ANAPC2: variants seen among roughly 807,000 people sequenced by gnomAD.
The protein encoded by ANAPC2 is anaphase-promoting complex subunit 2.
In ANAPC2, 29 loss-of-function variants were observed where a neutral mutation model predicts 84.3. The observed-to-expected ratio is 0.34, with a 90% CI of 0.26 to 0.47. The LOEUF (loss-of-function observed/expected upper bound fraction) is 0.47, where lower values mean the gene tolerates loss of function less well. ANAPC2 is among the 20% of genes least tolerant of loss of function. ANAPC2 has a pLI of 1.00. For synonymous variants in ANAPC2, 571 were observed against 479.4 expected (o/e 1.19, Z -2.50); for missense variants, 857 against 1,131.7 (o/e 0.76, Z 3.48).
chr9:137,186,025 G>C (rs544114198), intron 3 of ANAPC2, among the ~76,000 whole-genome samples, 199 bp downstream of exon 3: 4 of 152,166 alleles, frequency 2.6e-5, no homozygotes, highest in Non-Finnish European at 2.9e-5. Flanking sequence ...TCCGAAGAGC[G>C]CACCTCAGAT....
rs113402627 is a variant in ANAPC2, at chr9:137,187,240, G to A, written c.740+241C>T. On this transcript the variant is annotated intron_variant, in intron 2 of 12. Coordinates refer to ENST00000323927, the MANE Select transcript of ANAPC2 (RefSeq NM_013366.4). The stretch of plus-strand genomic sequence containing the variant: ...AGTTGCTAAGAAATTTGCTGCTGCA[G>A]ACACAAGCCACATAGGGCCTTACCA... 1,207 of 540,194 alleles carry A rather than the reference G, an allele frequency of 2.2e-3. 10 individuals carry two copies. Among genetic ancestry groups the A allele is most frequent in the African/African-American group, 0.02 (1,074 of 53,478 alleles). The allele number at this position is 540,194 out of a possible 1,614,324, so 33.5% of individuals were successfully genotyped here.
intron 10 of ANAPC2, among the ~76,000 whole-genome samples, chr9:137,177,723 C>T (rs1401905846): frequency 6.6e-6 from 1 of 152,174 alleles, no homozygotes; most frequent in African/African-American, 2.4e-5. Context: ...CCCTAACTCC[C>T]GGTGCCTCTG....
chr9:137,184,650 G>A (rs1220776329), intron 4 of ANAPC2, among the ~76,000 whole-genome samples: 5 of 100,974 alleles, frequency 5.0e-5, no homozygotes, highest in Non-Finnish European at 8.1e-5. Flanking sequence ...GGCACAGGGA[G>A]CCCAGACGCA....
intron 3 of ANAPC2, 140 bp downstream of exon 3, chr9:137,186,084 T>C: frequency 1.6e-6 from 2 of 1,236,858 alleles, no homozygotes; most frequent in Non-Finnish European, 1.1e-6. Context: ...CTACCCCACA[T>C]CAAGACAGCT....
intron 7 of ANAPC2, among the ~76,000 whole-genome samples, chr9:137,181,283 C>T (rs1004534636): frequency 2.0e-5 from 3 of 152,216 alleles, no homozygotes; most frequent in South Asian, 2.1e-4. Flanking sequence ...TCAGAGCCCT[C>T]GCAGACGAGG....
At chr9:137,179,019 C>T (rs183846750) in intron 10 of ANAPC2, among the ~76,000 whole-genome samples, 35 of 152,358 alleles carry the variant, frequency 2.3e-4, no homozygotes, top group Admixed American at 1.6e-3. Context: ...CTAGGTCCAG[C>T]CTCCTTCACA....
intron 10 of ANAPC2, among the ~76,000 whole-genome samples, chr9:137,177,436 C>T (rs571507064): frequency 2.7e-4 from 41 of 152,296 alleles, no homozygotes; most frequent in African/African-American, 8.9e-4. Context: ...GAATGGCGCG[C>T]ACTCCAGCCT....
In ANAPC2 at chr9:137,175,808, G is replaced by T. The variant is rs1260255080; in HGVS notation, c.1920C>A (p.Thr640=). Residue 640 remains threonine, a synonymous_variant, in exon 11 of 13, where the codon ACC becomes ACA. Coordinates refer to ENST00000323927, the MANE Select transcript of ANAPC2 (RefSeq NM_013366.4). The stretch of plus-strand genomic sequence containing the variant: ...CCACGTCCATGGTCACCAGGCCCAG[G>T]GTGTGCTTCCAACTGAGGGTCCGCA... ...KAMRTLSWKH[T]LGLVTMDVEL... is the part of the protein sequence containing the mutation. 1.2e-6 allele frequency: 2 copies of T among 1,609,152 alleles called. No homozygotes were observed. Among genetic ancestry groups the T allele is most frequent in the Non-Finnish European group, 1.7e-6 (2 of 1,178,160 alleles).
In ANAPC2 at chr9:137,187,565, G is replaced by A. The variant is rs1225949647; in HGVS notation, c.656C>T (p.Pro219Leu). 2.5e-6 allele frequency: 4 copies of A among 1,613,900 alleles called. No individual in the cohort carries two copies. The highest frequency in any genetic ancestry group is 1.3e-5 in the African/African-American group (1 of 75,072). The change falls in exon 2 of 13, where the codon CCG becomes CTG. Residue 219 changes from proline to leucine, a missense_variant. Coordinates refer to ENST00000323927, the MANE Select transcript of ANAPC2 (RefSeq NM_013366.4). ...GTCACTGCTGCACCCTGCACACAGCGGGCTCTGCAGGAGCCGGTAGTACCG... is the reference window on the plus strand; with the variant it reads ...GTCACTGCTGCACCCTGCACACAGCAGGCTCTGCAGGAGCCGGTAGTACCG... ...RRRYYRLLQS[P>L]LCAGCSSDKQ...
intron 4 of ANAPC2, among the ~76,000 whole-genome samples, chr9:137,184,649 AGCCC>A (rs1834420667): frequency 3.1e-5 from 3 of 98,178 alleles, no homozygotes; most frequent in Non-Finnish European, 8.1e-5. Context: ...AGGCACAGGG[AGCCC>A]AGACGCAGAC....
intron 10 of ANAPC2, 142 bp from the exon 11 acceptor site, chr9:137,175,979 C>T (rs1834201057): frequency 3.6e-6 from 4 of 1,099,470 alleles, no homozygotes; most frequent in Non-Finnish European, 5.1e-6. Flanking sequence ...GCAGCGAGAG[C>T]ACAGGACTGG....
At chr9:137,182,928 G>A (rs1048853321) in intron 6 of ANAPC2, among the ~76,000 whole-genome samples, 197 bp downstream of exon 6, 15 of 152,240 alleles carry the variant, frequency 9.9e-5, no homozygotes, top group Non-Finnish European at 1.6e-4. Context: ...CGGTGACACC[G>A]TGTGACAAGG....
Position 137,175,275 on chromosome 9 carries a change from T to C in ANAPC2, c.2218A>G (p.Met740Val). The change falls in exon 12 of 13, where the codon ATG (methionine) becomes GTG (valine). Residue 740 changes from methionine to valine, a missense_variant. This residue lies in a region of ANAPC2 where 425 missense variants were observed against 595.5 expected (regional missense o/e 0.71). Coordinates refer to ENST00000323927, the MANE Select transcript of ANAPC2 (RefSeq NM_013366.4). The part of the protein sequence containing the change: ...IDSDDESDSG[M>V]ASQADQKEEE... The stretch of plus-strand genomic sequence containing the variant: ...TCCTTCTGGTCGGCCTGGGAGGCCA[T>C]GCCGGAGTCGCTCTCGTCGTCACTG... 1.9e-6 allele frequency: 3 copies of C among 1,612,636 alleles called. No individual in the cohort carries two copies. The highest frequency in any genetic ancestry group is 2.5e-6 in the Non-Finnish European group (3 of 1,179,840).
rs368511953 is a variant in ANAPC2, at chr9:137,186,314, C to G, written c.783G>C (p.Val261=). 77 of 1,611,260 alleles carry G rather than the reference C, an allele frequency of 4.8e-5. No homozygotes were observed. The highest frequency in any genetic ancestry group is 3.7e-4 in the Middle Eastern group (2 of 5,426). Reference sequence around the variant, plus strand: ...GGGTCACCTGGTGCAGGGTGGTGGTCACAGCCTCGGCACTGACCCGCTCCA... The same window carrying G: ...GGGTCACCTGGTGCAGGGTGGTGGTGACAGCCTCGGCACTGACCCGCTCCA... The part of the protein sequence containing the change: ...SLLERVSAEA[V]TTTLHQVTRE... The change falls in exon 3 of 13, where the codon GTG becomes GTC. Residue 261 remains valine, a synonymous_variant. Transcript: ENST00000323927.
At chr9:137,178,385 G>A (rs1372168175) in intron 10 of ANAPC2, among the ~76,000 whole-genome samples, 1 of 152,234 alleles carries the variant, frequency 6.6e-6, no homozygotes, top group Admixed American at 6.5e-5. Flanking sequence ...TCCCACTGAA[G>A]TTAAGACAAA....
At chr9:137,177,855 G>A (rs1025005809) in intron 10 of ANAPC2, among the ~76,000 whole-genome samples, 3 of 152,164 alleles carry the variant, frequency 2.0e-5, no homozygotes, top group Admixed American at 6.5e-5. Context: ...CATCACGGGC[G>A]ACGCGGCAGA....
chr9:137,180,979 C>T (rs1450601902), intron 7 of ANAPC2, 50 bp from the exon 8 acceptor site: 1 of 1,595,742 alleles, frequency 6.3e-7, no homozygotes, highest in Non-Finnish European at 8.5e-7. Context: ...TGGGCAAGGA[C>T]AGGGCCGCCC....
At chr9:137,183,516 A>G (rs1834386257) in intron 5 of ANAPC2, 156 bp downstream of exon 5, 3 of 1,181,240 alleles carry the variant, frequency 2.5e-6, no homozygotes, top group Non-Finnish European at 3.5e-6. Context: ...CGGGCACCTC[A>G]GATCCCCTAA....
rs764001056 is a variant in ANAPC2 at position 137,184,942 on chromosome 9, C to T, written c.1019G>A (p.Arg340His). The T allele has an allele frequency of 1.2e-6, 2 of 1,612,622 alleles. No homozygotes were observed. Among genetic ancestry groups the T allele is most frequent in the Non-Finnish European group, 8.5e-7 (1 of 1,179,678 alleles). ...GACGATGCTGAAGAGCTCCTCGATGCGCAGGCTGGCGTAGATGCGGTAGAA... is the reference window on the plus strand; with the variant it reads ...GACGATGCTGAAGAGCTCCTCGATGTGCAGGCTGGCGTAGATGCGGTAGAA... The part of the protein sequence containing the change: ...RFFYRIYASL[R>H]IEELFSIVRD... Residue 340 changes from arginine (R) to histidine (H), a missense_variant, in exon 4 of 13, where the codon CGC (arginine) becomes CAC (histidine). This residue lies in a region of ANAPC2 where 428 missense variants were observed against 513.8 expected (regional missense o/e 0.83). Transcript: ENST00000323927.
Sources: gnomAD v4.1 joint callset for allele counts (sites outside exome capture counted in the v4.1 genomes callset) on GRCh38, gnomAD v4.1.1 for gene constraint, gnomAD v4.1.1 regional missense constraint, MANE v1.5 for transcripts, NCBI Gene and HGNC (gene_info 2026-07-23, HGNC 2026-07-21) for gene names.